SLC35E3: variants seen among roughly 807,000 people sequenced by gnomAD.
SLC35E3 encodes bladder cancer-overexpressed gene 1 protein.
SLC35E3 carries 28 observed loss-of-function variants against 30.8 expected under a neutral mutation model. The observed-to-expected ratio is 0.91, with a 90% confidence interval of 0.67 to 1.25. The LOEUF is 1.25. Among genes scored for constraint, SLC35E3 ranks in the 50% most tolerant of loss-of-function variants. The pLI is 0.00. For synonymous variants in SLC35E3, 146 were observed against 149.2 expected (o/e 0.98, Z 0.16); for missense variants, 365 against 375.4 (o/e 0.97, Z 0.23).
In SLC35E3 at chr12:68,781,402, C is replaced by T. The variant is rs569506161; in HGVS notation, c.*16512C>T. 1 of 152,300 alleles carries T rather than the reference C, an allele frequency of 6.6e-6. No individual in the cohort carries two copies. Among genetic ancestry groups the T allele is most frequent in the Admixed American group, 6.5e-5 (1 of 15,298 alleles). 9.4% of individuals were successfully genotyped at this position (152,300 alleles called of 1,614,324 possible). On this transcript the variant is annotated 3_prime_UTR_variant, in exon 5 of 5. Coordinates refer to ENST00000398004, the MANE Select transcript of SLC35E3 (RefSeq NM_018656.5). ...AGCTACAATTATAACAGGATTGTTT[C>T]TACATTTTAGCTTGGAGATCCCATG... is the stretch of plus-strand genomic sequence containing the variant.
At position 68,779,558 on chromosome 12, in the gene SLC35E3, G is replaced by GA. The variant is rs1465769100; in HGVS notation, c.*14675dup. 1.3e-5 allele frequency: 2 copies of GA among 151,894 alleles called. No homozygotes were observed. The highest frequency in any genetic ancestry group is 1.5e-5 in the Non-Finnish European group (1 of 67,960). 9.4% of individuals were successfully genotyped at this position (151,894 alleles called of 1,614,324 possible). ...AAGGATATAAGCATGGTTTGAGAAG[G>GA]AAAAAAAGCTTAACAAGGGGGAATT... On this transcript the variant is annotated 3_prime_UTR_variant, in exon 5 of 5. Coordinates refer to ENST00000398004, the MANE Select transcript of SLC35E3 (RefSeq NM_018656.5).
chr12:68,762,737 C>T (rs975954780), intron 4 of SLC35E3, among the ~76,000 whole-genome samples: 19 of 152,198 alleles, frequency 1.2e-4, no homozygotes, highest in Admixed American at 9.2e-4. Flanking sequence ...GAAGATAGCT[C>T]ATAATTGAAA....
rs1879323972 is a variant in SLC35E3, at chr12:68,764,686, C to T, written c.756-18C>T. The T allele has an allele frequency of 6.2e-7, 1 of 1,609,208 alleles. No homozygotes were observed. The highest frequency in any genetic ancestry group is 1.3e-5 in the African/African-American group (1 of 74,670). ...ATCTATCTTGTTATTCCTTTTTATCCTTATCCAAAAACCTCAGCTATAACA... is the reference window on the plus strand; with the variant it reads ...ATCTATCTTGTTATTCCTTTTTATCTTTATCCAAAAACCTCAGCTATAACA... On this transcript the variant is annotated intron_variant, in intron 4 of 4. Coordinates refer to ENST00000398004, the MANE Select transcript of SLC35E3 (RefSeq NM_018656.5).
Position 68,779,167 on chromosome 12 carries a change from C to G in SLC35E3, c.*14277C>G, listed in dbSNP as rs1381754647. The G allele has an allele frequency of 1.3e-5, 2 of 152,150 alleles. No homozygotes were observed. Among genetic ancestry groups the G allele is most frequent in the African/African-American group, 2.4e-5 (1 of 41,388 alleles). 9.4% of individuals were successfully genotyped at this position (152,150 alleles called of 1,614,324 possible). ...CTGTGGCCGACGCTGGAGTGCAGTG[C>G]CTTTTTGCAGGCACAATCATAGTGC... On this transcript the variant is annotated 3_prime_UTR_variant, in exon 5 of 5. Transcript: ENST00000398004.
At chr12:68,761,946 C>T (rs1879244612) in intron 4 of SLC35E3, among the ~76,000 whole-genome samples, 1 of 151,948 alleles carries the variant, frequency 6.6e-6, no homozygotes, top group Non-Finnish European at 1.5e-5. Flanking sequence ...ATAAGGTGCT[C>T]AGTTCGGGGA....
At chr12:68,759,738 T>C (rs957833473) in intron 4 of SLC35E3, among the ~76,000 whole-genome samples, 2 of 150,124 alleles carry the variant, frequency 1.3e-5, no homozygotes, top group Non-Finnish European at 3.0e-5. Context: ...ACTGAGGAAG[T>C]GGGTTAGCTT....
At chr12:68,753,898 T>C (rs945002731) in intron 3 of SLC35E3, among the ~76,000 whole-genome samples, 6 of 152,056 alleles carry the variant, frequency 3.9e-5, no homozygotes, top group Non-Finnish European at 1.5e-5. Context: ...TCGCCCAGGC[T>C]GGAGTGCAGT....
rs1878564682 is a variant in SLC35E3, at chr12:68,746,457, G to T, written c.80G>T (p.Cys27Phe). Residue 27 changes from cysteine (C) to phenylalanine (F), a missense_variant, in exon 1 of 5, where the codon TGC (cysteine) becomes TTC (phenylalanine). By Grantham distance (205) the Cys-to-Phe change is radical. Coordinates refer to ENST00000398004, the MANE Select transcript of SLC35E3 (RefSeq NM_018656.5). ...GLLFNLLVSI[C>F]IVFLNKWIYV... Reference sequence around the variant, plus strand: ...CTGTTCAACCTGCTGGTGTCCATCTGCATTGTGTTCCTCAACAAATGGATT... The same window carrying T: ...CTGTTCAACCTGCTGGTGTCCATCTTCATTGTGTTCCTCAACAAATGGATT... 1.9e-6 allele frequency: 3 copies of T among 1,614,154 alleles called. No individual in the cohort carries two copies. The highest frequency in any genetic ancestry group is 2.5e-6 in the Non-Finnish European group (3 of 1,180,000).
intron 3 of SLC35E3, among the ~76,000 whole-genome samples, chr12:68,753,345 T>C (rs1312361328): frequency 6.6e-6 from 1 of 151,426 alleles, no homozygotes; most frequent in Non-Finnish European, 1.5e-5. Flanking sequence ...CCCAGCTACT[T>C]GGGAGGCTGG....
chr12:68,752,537 A>G (rs571774916), intron 3 of SLC35E3, among the ~76,000 whole-genome samples: 3 of 152,368 alleles, frequency 2.0e-5, no homozygotes, highest in African/African-American at 7.2e-5. Flanking sequence ...ACATAGCTTT[A>G]TAATCACTAT....
chr12:68,765,760 T>C lies in SLC35E3; in HGVS notation c.*870T>C, dbSNP rs1206197122. On this transcript the variant is annotated 3_prime_UTR_variant, in exon 5 of 5. Transcript: ENST00000398004. ...ATATATATATATATGGATATGGTTATATATATGGGATGGTTTGGTTGGTCC... is the reference window on the plus strand; with the variant it reads ...ATATATATATATATGGATATGGTTACATATATGGGATGGTTTGGTTGGTCC... 1.3e-5 allele frequency: 2 copies of C among 151,442 alleles called. No individual in the cohort carries two copies. The highest frequency in any genetic ancestry group is 4.9e-5 in the African/African-American group (2 of 41,158). The allele number at this position is 151,442 out of a possible 1,614,324, so 9.4% of individuals were successfully genotyped here.
At position 68,777,654 on chromosome 12, in the gene SLC35E3, CAG is replaced by C. The variant is rs1461650255; in HGVS notation, c.*12768_*12769del. The C allele has an allele frequency of 2.0e-5, 3 of 152,228 alleles. No individual in the cohort carries two copies. The highest frequency in any genetic ancestry group is 7.2e-5 in the African/African-American group (3 of 41,446). The allele number at this position is 152,228 out of a possible 1,614,324, so 9.4% of individuals were successfully genotyped here. ...TCTGAATTTCCCCACCCTCAGGTGT[CAG>C]AGAATCAGAGGAAGTCATGCTGCTT... On this transcript the variant is annotated 3_prime_UTR_variant, in exon 5 of 5. Coordinates refer to ENST00000398004, the MANE Select transcript of SLC35E3 (RefSeq NM_018656.5).
intron 4 of SLC35E3, among the ~76,000 whole-genome samples, chr12:68,763,204 G>C (rs553918562): frequency 6.6e-6 from 1 of 152,250 alleles, no homozygotes; most frequent in South Asian, 2.1e-4. Context: ...CAATAACCGT[G>C]GGAGGTAAAC....
rs1185965282 is a variant in SLC35E3 at position 68,767,518 on chromosome 12, G to GGA, written c.*2628_*2629insGA. On this transcript the variant is annotated 3_prime_UTR_variant, in exon 5 of 5. Transcript: ENST00000398004. ...GGCGACAGACTGGACTCTGTCTCGGGAAAAAAAAAAAAAAAAAAAGGGAAG... is the reference window on the plus strand; with the variant it reads ...GGCGACAGACTGGACTCTGTCTCGGGGAAAAAAAAAAAAAAAAAAAAGGGAAG... 3.5e-5 allele frequency: 4 copies of GGA among 114,792 alleles called. No homozygotes were observed. Among genetic ancestry groups the GGA allele is most frequent in the South Asian group, 2.8e-4 (1 of 3,624 alleles). The allele number at this position is 114,792 out of a possible 1,614,324, so 7.1% of individuals were successfully genotyped here.
Position 68,773,960 on chromosome 12 carries a change from A to AT in SLC35E3, c.*9073dup, listed in dbSNP as rs1429201696. The AT allele has an allele frequency of 2.6e-5, 4 of 152,186 alleles. No homozygotes were observed. The East Asian group carries it at 7.7e-4, about 29-fold the overall frequency. 9.4% of individuals were successfully genotyped at this position (152,186 alleles called of 1,614,324 possible). A position where few individuals can be genotyped will look rare whatever the true frequency, so the allele number is the denominator to read the frequency against. On this transcript the variant is annotated 3_prime_UTR_variant, in exon 5 of 5. Coordinates refer to ENST00000398004, the MANE Select transcript of SLC35E3 (RefSeq NM_018656.5). ...CCTTGTAGAGGGATGATCATATGAC[A>AT]TTTCACCAATGGCACATAATTCAAA...
rs1239890895 is a variant in SLC35E3 at position 68,779,280 on chromosome 12, G to A, written c.*14390G>A. 1 of 152,058 alleles carries A rather than the reference G, an allele frequency of 6.6e-6. No homozygotes were observed. Among genetic ancestry groups the A allele is most frequent in the Non-Finnish European group, 1.5e-5 (1 of 68,022 alleles). The allele number at this position is 152,058 out of a possible 1,614,324, so 9.4% of individuals were successfully genotyped here. A position where few individuals can be genotyped will look rare whatever the true frequency, so the allele number is the denominator to read the frequency against. On this transcript the variant is annotated 3_prime_UTR_variant, in exon 5 of 5. Transcript: ENST00000398004. ...ACTATAGGTATGCCCTACCATGTGT[G>A]GCTATATTTGGTAGGTTTTAAATGA...
intron 4 of SLC35E3, among the ~76,000 whole-genome samples, chr12:68,759,542 A>G (rs925080467): frequency 6.6e-6 from 1 of 152,114 alleles, no homozygotes; most frequent in Non-Finnish European, 1.5e-5. Context: ...CGTCTCTACA[A>G]AAAATATATA....
intron 4 of SLC35E3, among the ~76,000 whole-genome samples, chr12:68,760,975 G>A (rs568617656): frequency 1.2e-3 from 179 of 152,274 alleles, no homozygotes; most frequent in Non-Finnish European, 1.7e-3. Flanking sequence ...GTGGGAAGAC[G>A]ACATTTGAGT....
At chr12:68,760,980 T>C (rs1457742481) in intron 4 of SLC35E3, among the ~76,000 whole-genome samples, 1 of 151,984 alleles carries the variant, frequency 6.6e-6, no homozygotes, top group African/African-American at 2.4e-5. Flanking sequence ...AAGACGACAT[T>C]TGAGTAAAGA....
Sources: gnomAD v4.1 joint callset for allele counts (sites outside exome capture counted in the v4.1 genomes callset) on GRCh38, gnomAD v4.1.1 for gene constraint, MANE v1.5 for transcripts, NCBI Gene and HGNC (gene_info 2026-07-23, HGNC 2026-07-21) for gene names.